The following CNTNAP2 variants were observed in gnomAD, a reference collection of about 807,000 sequenced individuals.
CNTNAP2 encodes contactin associated protein 2.
Under a neutral mutation model 155.2 loss-of-function variants are expected in CNTNAP2, and 98 were observed. The ratio of observed to expected loss-of-function variants is 0.63; its 90% CI spans 0.54 to 0.75. CNTNAP2 has a LOEUF of 0.75. Among genes scored for constraint, CNTNAP2 ranks in the 30% least tolerant of loss-of-function variants. The probability of loss-of-function intolerance (pLI) is 0.00; values close to 1 mark genes in which losing one functional copy is unlikely to be tolerated. For synonymous variants in CNTNAP2, 651 were observed against 631.2 expected, an observed-to-expected ratio of 1.03 and a Z score of -0.47; for missense variants, 1,727 against 1,688.1, an observed-to-expected ratio of 1.02 and a Z score of -0.40.
At chr7:147,592,478 G>GT (rs34713058) in intron 12 of CNTNAP2, among the ~76,000 whole-genome samples, 64,479 of 143,762 alleles carry the variant, frequency 0.45, 14,279 homozygotes, top group African/African-American at 0.48. Context: ...GTTGTTTCTG[G>GT]TTTTTTTTTT....
chr7:146,224,020 A>T (rs1429828786), intron 1 of CNTNAP2, among the ~76,000 whole-genome samples: 1 of 152,188 alleles, frequency 6.6e-6, no homozygotes, highest in Non-Finnish European at 1.5e-5. Flanking sequence ...CTTTGGCTCA[A>T]ATTGTCCTGT....
At chr7:147,544,746 C>T (rs984705718) in intron 11 of CNTNAP2, among the ~76,000 whole-genome samples, 3 of 152,052 alleles carry the variant, frequency 2.0e-5, no homozygotes, top group African/African-American at 7.2e-5. Context: ...ACAATTGAAT[C>T]ATGGGGGCAG....
intron 15 of CNTNAP2, among the ~76,000 whole-genome samples, chr7:148,056,969 T>C (rs1015414810): frequency 6.6e-5 from 10 of 152,162 alleles, no homozygotes; most frequent in East Asian, 1.9e-4. Flanking sequence ...GCTCAGACTT[T>C]ATAGACAAAC....
chr7:146,553,547 C>T (rs1031132333), intron 1 of CNTNAP2, among the ~76,000 whole-genome samples: 4 of 152,124 alleles, frequency 2.6e-5, no homozygotes, highest in Non-Finnish European at 1.5e-5. Flanking sequence ...ATTAGATGCA[C>T]TTTTTATCTA....
chr7:147,797,443 G>T (rs1797915424), intron 13 of CNTNAP2, among the ~76,000 whole-genome samples: 1 of 152,036 alleles, frequency 6.6e-6, no homozygotes, highest in Admixed American at 6.6e-5. Flanking sequence ...TTTAAGACTT[G>T]TACTCAGTCA....
At chr7:146,336,943 C>A (rs1476969470) in intron 1 of CNTNAP2, among the ~76,000 whole-genome samples, 1 of 152,066 alleles carries the variant, frequency 6.6e-6, no homozygotes, top group Non-Finnish European at 1.5e-5. Context: ...GGCTGTAGTG[C>A]AGGGAGAGGA....
At chr7:148,064,769 T>C (rs2116518774) in intron 15 of CNTNAP2, among the ~76,000 whole-genome samples, 1 of 152,040 alleles carries the variant, frequency 6.6e-6, no homozygotes, top group East Asian at 1.9e-4. Context: ...CTATCTTTTG[T>C]ATTTTTGTTT....
intron 2 of CNTNAP2, among the ~76,000 whole-genome samples, chr7:146,809,264 A>T (rs79136778): frequency 8.0e-4 from 122 of 152,258 alleles, no homozygotes; most frequent in African/African-American, 2.7e-3. Context: ...AGCCATTCTA[A>T]CAGGTGTAAT....
chr7:146,579,954 GA>G (rs1318427751), intron 1 of CNTNAP2, among the ~76,000 whole-genome samples: 6 of 152,070 alleles, frequency 3.9e-5, no homozygotes, highest in Admixed American at 3.3e-4. Flanking sequence ...GCTGCTTGTA[GA>G]AGCTCATGAT....
At chr7:147,904,025 A>G (rs1051598370) in intron 14 of CNTNAP2, among the ~76,000 whole-genome samples, 5 of 152,188 alleles carry the variant, frequency 3.3e-5, no homozygotes, top group Non-Finnish European at 4.4e-5. Flanking sequence ...TGTGCTGTGT[A>G]ACAATAGAGG....
intron 13 of CNTNAP2, among the ~76,000 whole-genome samples, chr7:147,865,655 G>A (rs1799214228): frequency 6.6e-6 from 1 of 152,078 alleles, no homozygotes. Context: ...TTTAGTGTTG[G>A]GAGGGTGTAT....
intron 18 of CNTNAP2, among the ~76,000 whole-genome samples, chr7:148,191,058 C>T (rs1217768800): frequency 6.6e-6 from 1 of 152,148 alleles, no homozygotes; most frequent in Non-Finnish European, 1.5e-5. Flanking sequence ...TCTCTTTGGG[C>T]TGTGCTAAGG....
At chr7:147,108,603 A>C (rs1217998733) in intron 5 of CNTNAP2, among the ~76,000 whole-genome samples, 3 of 152,202 alleles carry the variant, frequency 2.0e-5, no homozygotes, top group Non-Finnish European at 2.9e-5. Flanking sequence ...CAAGATCCTT[A>C]AGCTCATTAA....
intron 3 of CNTNAP2, among the ~76,000 whole-genome samples, chr7:146,883,379 A>G (rs1384492780): frequency 2.0e-5 from 3 of 152,122 alleles, no homozygotes; most frequent in Non-Finnish European, 4.4e-5. Context: ...AGTTGCTAGT[A>G]GTAATTCTCA....
At chr7:146,195,323 G>T (rs978125523) in intron 1 of CNTNAP2, among the ~76,000 whole-genome samples, 3 of 152,190 alleles carry the variant, frequency 2.0e-5, no homozygotes, top group African/African-American at 2.4e-5. Context: ...AGTAAATAAA[G>T]TTGAGAATAC....
intron 1 of CNTNAP2, among the ~76,000 whole-genome samples, chr7:146,523,488 C>A (rs1029003135): frequency 1.3e-5 from 2 of 151,982 alleles, no homozygotes; most frequent in African/African-American, 2.4e-5. Context: ...CCGCCACCAA[C>A]CCTCAATCAT....
chr7:146,654,025 A>T (rs1387360883), intron 1 of CNTNAP2, among the ~76,000 whole-genome samples: 1 of 152,146 alleles, frequency 6.6e-6, no homozygotes, highest in Non-Finnish European at 1.5e-5. Flanking sequence ...ATATTAAAAA[A>T]AAATCCTTTA....
chr7:146,311,607 C>CAAAAAAAAAAAAAA (rs71175646), intron 1 of CNTNAP2: 5 of 38,922 alleles, frequency 1.3e-4, no homozygotes, highest in Admixed American at 3.8e-4. Context: ...CTTGTCTTTA[C>CAAAAAAAAAAAAAA]AAAAAAAAAA....
At chr7:146,512,100 G>A (rs1165987282) in intron 1 of CNTNAP2, among the ~76,000 whole-genome samples, 1 of 151,696 alleles carries the variant, frequency 6.6e-6, no homozygotes, top group Non-Finnish European at 1.5e-5. Context: ...ATCATCCTTT[G>A]TATTTTGTGA....
Sources: gnomAD v4.1 joint callset for allele counts (sites outside exome capture counted in the v4.1 genomes callset) on GRCh38, gnomAD v4.1.1 for gene constraint, MANE v1.5 for transcripts, NCBI Gene and HGNC (gene_info 2026-07-23, HGNC 2026-07-21) for gene names.